HBS1L: variants seen among roughly 807,000 people sequenced by gnomAD.
HBS1L encodes HBS1-like protein.
A neutral mutation model predicts 88.9 loss-of-function variants in HBS1L; 55 were observed. That is an observed-to-expected ratio of 0.62 (90% CI 0.50 to 0.77). HBS1L has a LOEUF of 0.77. Among genes scored for constraint, HBS1L ranks in the 30% least tolerant of loss-of-function variants. The pLI is 0.00. For synonymous variants in HBS1L, 267 were observed against 288.5 expected (o/e 0.93, Z 0.76); for missense variants, 741 against 829.3 (o/e 0.89, Z 1.31).
Position 134,987,709 on chromosome 6 carries a change from T to G in HBS1L, c.1166A>C (p.His389Pro), listed in dbSNP as rs1358320858. ...TCCCAGAGAACGGACCAAGAGTCCA[T>G]GCTCTCGTGTTTGTCCTCCAGTCTC... ...GFETGGQTRE[H>P]GLLVRSLGVT... Residue 389 changes from histidine (H) to proline (P), a missense_variant, in exon 9 of 18, where the codon CAT becomes CCT. Around this residue, in one of 3 missense-constraint regions of HBS1L, gnomAD observed 556 missense variants for 598.4 expected, o/e 0.93. Transcript: ENST00000367837. The G allele has an allele frequency of 6.2e-7, 1 of 1,610,294 alleles. No individual in the cohort carries two copies. Among genetic ancestry groups the G allele is most frequent in the Non-Finnish European group, 8.5e-7 (1 of 1,178,282 alleles).
chr6:134,970,117 T>C (rs571322573), intron 15 of HBS1L, among the ~76,000 whole-genome samples: 26 of 152,292 alleles, frequency 1.7e-4, no homozygotes, highest in Admixed American at 1.7e-3. Flanking sequence ...TCTAGTTGTG[T>C]GAACTTTGGG....
intron 15 of HBS1L, among the ~76,000 whole-genome samples, chr6:134,971,897 C>T (rs1008463804): frequency 1.3e-5 from 2 of 152,024 alleles, no homozygotes; most frequent in African/African-American, 2.4e-5. Flanking sequence ...TCCCAAGTCC[C>T]AAAAGACTGA....
At chr6:135,040,022 A>C (rs1400973169) in intron 3 of HBS1L, among the ~76,000 whole-genome samples, 1 of 152,216 alleles carries the variant, frequency 6.6e-6, no homozygotes, top group Non-Finnish European at 1.5e-5. Flanking sequence ...TGTTTCAAAA[A>C]AGTGTACATT....
chr6:134,979,399 A>G, intron 13 of HBS1L, 131 bp from the exon 14 acceptor site: 1 of 671,134 alleles, frequency 1.5e-6, no homozygotes. Flanking sequence ...GATTGAGAGT[A>G]AGAAGTGTAA....
chr6:134,992,104 C>T (rs546085186), intron 8 of HBS1L, among the ~76,000 whole-genome samples: 19 of 152,196 alleles, frequency 1.2e-4, no homozygotes, highest in African/African-American at 3.9e-4. Flanking sequence ...TCCCAGAAAA[C>T]GGGTAATTGC....
At chr6:135,033,471 A>G (rs980618190) in intron 4 of HBS1L, among the ~76,000 whole-genome samples, 1 of 152,204 alleles carries the variant, frequency 6.6e-6, no homozygotes, top group African/African-American at 2.4e-5. Context: ...AGACTGTGAC[A>G]TTCCCTTAGT....
In HBS1L at chr6:134,967,605, T is replaced by G. The variant is rs141024333; in HGVS notation, c.1899-1132A>C. ...AGAATATGTTAAACTCTACCATCATTGAGCTAGGATTTTGTAGCAGGAGCA... is the reference window on the plus strand; with the variant it reads ...AGAATATGTTAAACTCTACCATCATGGAGCTAGGATTTTGTAGCAGGAGCA... On this transcript the variant is annotated intron_variant, in intron 16 of 17. Transcript: ENST00000367837. Among the ~76,000 whole-genome samples the G allele has an allele frequency of 5.8e-4, 89 of 152,282 alleles. No individual in the cohort carries two copies. In the East Asian group the frequency reaches 0.017, roughly 28 times the overall value.
intron 5 of HBS1L, 121 bp from the exon 6 acceptor site, chr6:134,997,777 T>G: frequency 1.1e-6 from 1 of 903,722 alleles, no homozygotes; most frequent in Non-Finnish European, 1.7e-6. Flanking sequence ...AAATAATCTC[T>G]GCTAAGTAGC....
At chr6:135,002,691 T>TTGGGGG (rs1394874249) in intron 5 of HBS1L, 43 bp downstream of exon 5, 7 of 949,880 alleles carry the variant, frequency 7.4e-6, no homozygotes, top group South Asian at 1.3e-5. Flanking sequence ...TTTCAAAAAC[T>TTGGGGG]TGGGGGTGGG....
intron 15 of HBS1L, among the ~76,000 whole-genome samples, chr6:134,972,276 A>G (rs1293402897): frequency 3.3e-5 from 5 of 152,146 alleles, no homozygotes; most frequent in African/African-American, 1.2e-4. Flanking sequence ...TTTCTAGATA[A>G]CCTGTATTTT....
At chr6:134,967,638 G>A (rs1774353331) in intron 16 of HBS1L, among the ~76,000 whole-genome samples, 1 of 152,138 alleles carries the variant, frequency 6.6e-6, no homozygotes, top group Non-Finnish European at 1.5e-5. Context: ...GCATGGAGGG[G>A]AAGACTCAGG....
chr6:134,990,968 G>C (rs1438232411), intron 8 of HBS1L, among the ~76,000 whole-genome samples: 2 of 151,876 alleles, frequency 1.3e-5, no homozygotes, highest in African/African-American at 4.8e-5. Context: ...GTGCTTTGTA[G>C]GCATTGCATT....
chr6:135,007,952 C>T (rs1270449620), intron 4 of HBS1L, among the ~76,000 whole-genome samples: 2 of 152,208 alleles, frequency 1.3e-5, no homozygotes, highest in Non-Finnish European at 2.9e-5. Context: ...TTAAGCAGTT[C>T]ATTTAATTTC....
chr6:134,966,361 C>T lies in HBS1L; in HGVS notation c.2011G>A (p.Gly671Ser), dbSNP rs1426412372. ...ELGRFMLRYG[G>S]STIAAGVVTE... ...ACAACACCAGCAGCTATTGTAGAAC[C>T]ACCGTAACGTAGCATGAACCTCCCC... The change falls in exon 17 of 18, where the codon GGT becomes AGT. Residue 671 changes from glycine to serine, a missense_variant. Coordinates refer to ENST00000367837, the MANE Select transcript of HBS1L (RefSeq NM_006620.4). The T allele has an allele frequency of 6.8e-6, 11 of 1,611,508 alleles. No individual in the cohort carries two copies. The highest frequency in any genetic ancestry group is 9.3e-6 in the Non-Finnish European group (11 of 1,178,640).
intron 4 of HBS1L, among the ~76,000 whole-genome samples, chr6:135,031,801 G>A (rs751126618): frequency 9.2e-5 from 14 of 151,594 alleles, no homozygotes; most frequent in Admixed American, 7.2e-4. Context: ...TGTCAATGTC[G>A]GAAATAAATA....
chr6:135,003,708 T>C (rs932184039), intron 4 of HBS1L, among the ~76,000 whole-genome samples: 18 of 150,524 alleles, frequency 1.2e-4, no homozygotes, highest in African/African-American at 4.2e-4. Flanking sequence ...CTACTGAAAA[T>C]ACAAAAATAA....
intron 15 of HBS1L, among the ~76,000 whole-genome samples, chr6:134,970,229 T>C (rs1490590269): frequency 6.6e-6 from 1 of 152,124 alleles, no homozygotes; most frequent in South Asian, 2.1e-4. Context: ...ACCTCCCAGG[T>C]TCAGGCAATT....
chr6:135,005,463 TA>T (rs1163329283), intron 4 of HBS1L, among the ~76,000 whole-genome samples: 2 of 152,240 alleles, frequency 1.3e-5, no homozygotes, highest in Non-Finnish European at 2.9e-5. Flanking sequence ...CTACAGATGG[TA>T]TGTACATGTT....
In HBS1L at chr6:135,039,626, T is replaced by G. The variant is rs1403317840; in HGVS notation, c.377A>C (p.Gln126Pro). The part of the protein sequence containing the change: ...LSGVLEQDRV[Q>P]SLKDKNEATV... ...TGCCTCATTCTTGTCCTTCAAACTC[T>G]GCACTCTATCTTGTTCCAGAACCCC... Residue 126 changes from glutamine (Q) to proline (P), a missense_variant, in exon 4 of 18, where the codon CAG (glutamine) becomes CCG (proline). Gln to Pro is a moderately conservative substitution (Grantham distance 76, BLOSUM62 -1). Transcript: ENST00000367837. 6.2e-7 allele frequency: 1 copy of G among 1,614,180 alleles called. No homozygotes were observed. The highest frequency in any genetic ancestry group is 8.5e-7 in the Non-Finnish European group (1 of 1,180,016).
Sources: allele counts gnomAD v4.1 joint callset (sites outside exome capture counted in the v4.1 genomes callset), GRCh38; gene constraint gnomAD v4.1.1; regional missense constraint gnomAD v4.1.1; transcripts MANE v1.5; gene names NCBI Gene and HGNC (gene_info 2026-07-23, HGNC 2026-07-21).